Variants in SBF2 observed in about 807,000 individuals in gnomAD.
The protein encoded by SBF2 is myotubularin-related protein 13.
Under a neutral mutation model 225.2 loss-of-function variants are expected in SBF2, and 112 were observed. The observed-to-expected ratio is 0.50, with a 90% CI of 0.43 to 0.58. The LOEUF (loss-of-function observed/expected upper bound fraction) is 0.58. Among genes scored for constraint, SBF2 ranks in the 20% least tolerant of loss-of-function variants. The pLI, the probability that SBF2 is intolerant of heterozygous loss-of-function variation, is 0.00. For missense variants in SBF2, 1,996 were observed against 2,206.2 expected (o/e 0.90, Z 1.91); for synonymous variants, 763 against 773.3 (o/e 0.99, Z 0.22).
intron 2 of SBF2, among the ~76,000 whole-genome samples, chr11:10,089,047 C>A (rs77870875): frequency 6.6e-6 from 1 of 151,972 alleles, no homozygotes; most frequent in Admixed American, 6.6e-5. Context: ...CTCCAAAAGA[C>A]GGTCTTAAAA....
chr11:10,226,635 C>A (rs945614710), intron 1 of SBF2, among the ~76,000 whole-genome samples: 2 of 152,172 alleles, frequency 1.3e-5, no homozygotes, highest in Non-Finnish European at 2.9e-5. Context: ...TAGCTTCATC[C>A]ATGTCCCTAC....
chr11:9,980,293 A>C (rs1304285295), intron 13 of SBF2, among the ~76,000 whole-genome samples: 2 of 136,606 alleles, frequency 1.5e-5, no homozygotes, highest in African/African-American at 5.2e-5. Flanking sequence ...TGTAATTAAA[A>C]AAAAAAAAAA....
intron 16 of SBF2, among the ~76,000 whole-genome samples, chr11:9,938,861 G>T (rs180944068): frequency 1.4e-3 from 209 of 151,876 alleles, no homozygotes; most frequent in African/African-American, 4.9e-3. Flanking sequence ...TAGCCAAAAT[G>T]AGCAAATATA....
At chr11:9,978,381 G>T (rs955670769) in intron 13 of SBF2, among the ~76,000 whole-genome samples, 1 of 152,098 alleles carries the variant, frequency 6.6e-6, no homozygotes, top group Non-Finnish European at 1.5e-5. Flanking sequence ...ATCCTTTTCT[G>T]AAGGATATTA....
At chr11:9,953,446 GA>G (rs1295718575) in intron 16 of SBF2, among the ~76,000 whole-genome samples, 1 of 150,602 alleles carries the variant, frequency 6.6e-6, no homozygotes, top group Non-Finnish European at 1.5e-5. Flanking sequence ...CAAAAAAAAC[GA>G]AAAAGAAAAA....
chr11:10,233,302 T>C (rs1457288809), intron 1 of SBF2, among the ~76,000 whole-genome samples: 1 of 152,160 alleles, frequency 6.6e-6, no homozygotes, highest in African/African-American at 2.4e-5. Flanking sequence ...ACATGTATCA[T>C]AAGTATTATG....
chr11:10,166,425 T>A (rs1327621550), intron 2 of SBF2, among the ~76,000 whole-genome samples: 1 of 152,168 alleles, frequency 6.6e-6, no homozygotes, highest in African/African-American at 2.4e-5. Context: ...AGCCTTTTTA[T>A]ACAAATAACT....
At chr11:9,960,685 G>C (rs919059805) in intron 16 of SBF2, 35 of 152,032 alleles carry the variant, frequency 2.3e-4, no homozygotes, top group African/African-American at 7.7e-4. Context: ...TATTTTTTGA[G>C]ACGGAGTTTC....
chr11:9,941,865 C>T (rs528403158), intron 16 of SBF2, among the ~76,000 whole-genome samples: 1 of 151,944 alleles, frequency 6.6e-6, no homozygotes, highest in Admixed American at 6.6e-5. Flanking sequence ...TGATTGCCAA[C>T]ATAGAAAACA....
At chr11:10,240,838 A>G (rs1415878132) in intron 1 of SBF2, among the ~76,000 whole-genome samples, 1 of 152,242 alleles carries the variant, frequency 6.6e-6, no homozygotes, top group Non-Finnish European at 1.5e-5. Context: ...CAATAAAAGT[A>G]TTAAAGTTCG....
chr11:9,867,309 C>T (rs1361681232), intron 17 of SBF2, among the ~76,000 whole-genome samples: 2 of 152,006 alleles, frequency 1.3e-5, no homozygotes, highest in Non-Finnish European at 2.9e-5. Context: ...GATATTATCT[C>T]GTCCCAGTTA....
intron 16 of SBF2, among the ~76,000 whole-genome samples, chr11:9,932,662 G>T (rs1298885510): frequency 1.3e-5 from 2 of 152,046 alleles, no homozygotes; most frequent in Non-Finnish European, 2.9e-5. Context: ...ACCAGTACCA[G>T]CCACTGCAAA....
intron 2 of SBF2, among the ~76,000 whole-genome samples, chr11:10,182,767 TTTG>T (rs1174597829): frequency 2.6e-5 from 4 of 151,726 alleles, no homozygotes; most frequent in Non-Finnish European, 5.9e-5. Context: ...TTATTGTTTG[TTTG>T]TTGTTTTTTA....
At position 9,961,944 on chromosome 11, in the gene SBF2, AACT is replaced by A; in HGVS notation, c.1860+10_1860+12del. The A allele has an allele frequency of 6.2e-7, 1 of 1,607,280 alleles. No homozygotes were observed. The highest frequency in any genetic ancestry group is 1.1e-5 in the South Asian group (1 of 90,662). On this transcript the variant is annotated intron_variant, in intron 16 of 39. Transcript: ENST00000256190. ...TCAAATAAGAGGAATAATCTGAAAGAACTACAAATTACCTGTAGAGTACAATTC... is the reference window on the plus strand; with the variant it reads ...TCAAATAAGAGGAATAATCTGAAAGAACAAATTACCTGTAGAGTACAATTC...
Position 10,029,790 on chromosome 11 carries a change from A to C in SBF2, c.488T>G (p.Leu163Arg). Residue 163 changes from leucine (L) to arginine (R), a missense_variant, in exon 5 of 40, where the codon CTT becomes CGT. Transcript: ENST00000256190. ...ESLIANLCAC[L>R]VPAAGGSQKL... is the part of the protein sequence containing the mutation. ...CTGAGACCCTCCAGCCGCTGGGACA[A>C]GGCAGGCACAAAGGTTTGCAATTAG... 6.2e-7 allele frequency: 1 copy of C among 1,613,484 alleles called. No individual in the cohort carries two copies. The highest frequency in any genetic ancestry group is 8.5e-7 in the Non-Finnish European group (1 of 1,179,414).
At position 9,779,443 on chromosome 11, in the gene SBF2, A is replaced by C. The variant is rs1851887501; in HGVS notation, c.*975T>G. The C allele has an allele frequency of 6.6e-6, 1 of 152,634 alleles. No homozygotes were observed. 9.5% of individuals were successfully genotyped at this position (152,634 alleles called of 1,614,324 possible). A position where few individuals can be genotyped will look rare whatever the true frequency, so the allele number is the denominator to read the frequency against. ...AATCACAAGTTATCAAAGTAAAGAA[A>C]ATCTAAAGACAGTTCTTACTTTTCA... is the stretch of plus-strand genomic sequence containing the variant. On this transcript the variant is annotated 3_prime_UTR_variant, in exon 40 of 40. Transcript: ENST00000256190.
chr11:10,023,568 G>A (rs1305481982), intron 6 of SBF2, among the ~76,000 whole-genome samples: 1 of 152,068 alleles, frequency 6.6e-6, no homozygotes, highest in Non-Finnish European at 1.5e-5. Flanking sequence ...TCACTAATCT[G>A]TTTTGCCCCT....
intron 1 of SBF2, among the ~76,000 whole-genome samples, chr11:10,254,939 A>AAAAAAAAT (rs1960737355): frequency 2.5e-4 from 29 of 114,002 alleles, no homozygotes; most frequent in African/African-American, 6.0e-4. Flanking sequence ...AAAAAAAAAA[A>AAAAAAAAT]TCCTATTATT....
intron 16 of SBF2, among the ~76,000 whole-genome samples, chr11:9,930,758 G>A (rs1228833268): frequency 1.3e-5 from 2 of 152,336 alleles, no homozygotes; most frequent in African/African-American, 2.4e-5. Context: ...TGGACAGTGG[G>A]TGCAGCCCAC....
Sources: allele counts gnomAD v4.1 joint callset (sites outside exome capture counted in the v4.1 genomes callset), GRCh38; gene constraint gnomAD v4.1.1; transcripts MANE v1.5; gene names NCBI Gene and HGNC (gene_info 2026-07-23, HGNC 2026-07-21).